The following KLF12 variants were observed in gnomAD, a reference collection of about 807,000 sequenced individuals.
KLF12 encodes the protein Krueppel-like factor 12.
In KLF12, 9 loss-of-function variants were observed where a neutral mutation model predicts 37.8. That is an observed-to-expected ratio of 0.24 (90% CI 0.14 to 0.42). The LOEUF is 0.42. Among genes scored for constraint, KLF12 ranks in the 10% least tolerant of loss-of-function variants. KLF12 has a pLI of 1.00. For synonymous variants in KLF12, 208 were observed against 202.1 expected, an observed-to-expected ratio of 1.03 and a Z score of -0.25; for missense variants, 411 against 516.0, an observed-to-expected ratio of 0.80 and a Z score of 1.97.
chr13:74,003,914 A>C (rs1892346331), intron 1 of KLF12, among the ~76,000 whole-genome samples: 1 of 152,160 alleles, frequency 6.6e-6, no homozygotes, highest in Non-Finnish European at 1.5e-5. Flanking sequence ...CCCAAAACAA[A>C]AACTGCCCCA....
intron 5 of KLF12, among the ~76,000 whole-genome samples, chr13:73,792,777 T>G (rs952811961): frequency 6.6e-6 from 1 of 152,188 alleles, no homozygotes; most frequent in Non-Finnish European, 1.5e-5. Context: ...GTAATAAAAG[T>G]TTTTGCTTCA....
intron 4 of KLF12, among the ~76,000 whole-genome samples, chr13:73,841,725 A>T (rs1418678775): frequency 1.3e-5 from 2 of 152,148 alleles, no homozygotes; most frequent in African/African-American, 4.8e-5. Context: ...CCGTTGACAA[A>T]AACCGCAATT....
chr13:73,914,080 A>G (rs569109873), intron 3 of KLF12, among the ~76,000 whole-genome samples: 10 of 151,986 alleles, frequency 6.6e-5, no homozygotes, highest in African/African-American at 2.4e-4. Context: ...TCCTGCCAAC[A>G]TCAATAAATG....
chr13:74,113,314 C>G (rs1877091207), intron 1 of KLF12, among the ~76,000 whole-genome samples: 1 of 152,150 alleles, frequency 6.6e-6, no homozygotes, highest in Non-Finnish European at 1.5e-5. Flanking sequence ...GTAGACAAAA[C>G]AGCAACCTAT....
rs57156299 is a variant in KLF12 at position 74,082,163 on chromosome 13, T to TAAAAAAAAAAAAAAAAA, written c.-32+51575_-32+51576insTTTTTTTTTTTTTTTTT. ...GGCAACATAGCAAGACCCTGTCTCT[T>TAAAAAAAAAAAAAAAAA]AAAAAAAAAAAAAAACAAAGTTAGC... On this transcript the variant is annotated intron_variant, in intron 1 of 7. Transcript: ENST00000377669. Among the ~76,000 whole-genome samples, 41 of 114,732 alleles carry TAAAAAAAAAAAAAAAAA rather than the reference T, an allele frequency of 3.6e-4. 1 individual carries two copies. The highest frequency in any genetic ancestry group is 1.3e-3 in the African/African-American group (37 of 28,338). 75.3% of individuals were successfully genotyped at this position (114,732 alleles called of 152,430 possible).
chr13:74,067,928 T>C (rs572953842), intron 1 of KLF12, among the ~76,000 whole-genome samples: 1 of 152,190 alleles, frequency 6.6e-6, no homozygotes, highest in Non-Finnish European at 1.5e-5. Context: ...TTAGCAGCAA[T>C]CTGATAAATA....
chr13:74,251,877 C>T, the KLF12 span, among the ~76,000 whole-genome samples: 1 of 152,198 alleles, frequency 6.6e-6, no homozygotes, highest in Non-Finnish European at 1.5e-5. Context: ...CTTAAGACAG[C>T]AATGGACAGT....
intron 3 of KLF12, among the ~76,000 whole-genome samples, chr13:73,896,367 G>T (rs372510400): frequency 4.6e-5 from 7 of 152,126 alleles, no homozygotes; most frequent in Non-Finnish European, 7.3e-5. Context: ...CTGAGAATGA[G>T]ATTTTTTTCA....
chr13:73,939,069 G>C (rs1890076076), intron 3 of KLF12, among the ~76,000 whole-genome samples: 1 of 152,104 alleles, frequency 6.6e-6, no homozygotes, highest in Admixed American at 6.6e-5. Flanking sequence ...TTCTCTGCCG[G>C]CCCACGGATC....
intron 3 of KLF12, among the ~76,000 whole-genome samples, chr13:73,917,003 A>G (rs1401814911): frequency 6.6e-6 from 1 of 152,208 alleles, no homozygotes; most frequent in Non-Finnish European, 1.5e-5. Context: ...AATATTCCGT[A>G]GGCCACTCTT....
At chr13:74,098,914 C>T (rs531380948) in intron 1 of KLF12, among the ~76,000 whole-genome samples, 19 of 152,240 alleles carry the variant, frequency 1.2e-4, no homozygotes, top group East Asian at 7.7e-4. Flanking sequence ...ATGCTTCCCA[C>T]GCTAGTATGT....
intron 3 of KLF12, among the ~76,000 whole-genome samples, chr13:73,890,285 T>C (rs1303566552): frequency 1.3e-5 from 2 of 152,132 alleles, no homozygotes; most frequent in African/African-American, 4.8e-5. Context: ...AAATACCTCT[T>C]TCTTTCAAGT....
chr13:74,204,075 A>G, the KLF12 span, among the ~76,000 whole-genome samples: 236 of 152,258 alleles, frequency 1.5e-3, 1 homozygote, highest in African/African-American at 5.3e-3. Flanking sequence ...CCTCTCTTCC[A>G]TCACCACCAC....
the KLF12 span, among the ~76,000 whole-genome samples, chr13:74,295,167 TA>T: frequency 6.6e-6 from 1 of 152,192 alleles, no homozygotes; most frequent in Non-Finnish European, 1.5e-5. Context: ...GGACTGTAGG[TA>T]AAAGCATCTA....
chr13:73,973,826 T>C (rs1211903115), intron 2 of KLF12, among the ~76,000 whole-genome samples: 1 of 152,088 alleles, frequency 6.6e-6, no homozygotes, highest in Non-Finnish European at 1.5e-5. Flanking sequence ...AGCAGAAGGC[T>C]TCATGTTACA....
intron 2 of KLF12, among the ~76,000 whole-genome samples, chr13:73,992,493 G>A (rs1250436620): frequency 6.6e-6 from 1 of 152,074 alleles, no homozygotes; most frequent in East Asian, 1.9e-4. Context: ...TTAAGGAAAG[G>A]GTGGATGAAG....
the KLF12 span, among the ~76,000 whole-genome samples, chr13:74,162,550 A>ATAT: frequency 6.6e-6 from 1 of 152,228 alleles, no homozygotes; most frequent in African/African-American, 2.4e-5. Flanking sequence ...GTGTAAAATA[A>ATAT]TATGGCTCTG....
At chr13:73,848,348 G>A (rs1885139156) in intron 3 of KLF12, among the ~76,000 whole-genome samples, 1 of 152,034 alleles carries the variant, frequency 6.6e-6, no homozygotes, top group African/African-American at 2.4e-5. Context: ...TAAGGAGATT[G>A]CTTGTGAGGC....
In KLF12 at chr13:74,057,115, A is replaced by C. The variant is rs141798335; in HGVS notation, c.-31-62062T>G. Among the ~76,000 whole-genome samples, 4 of 152,344 alleles carry C rather than the reference A, an allele frequency of 2.6e-5. No homozygotes were observed. In the East Asian group the frequency reaches 7.7e-4, roughly 29 times the overall value. Reference sequence around the variant, plus strand: ...GAATCCTGAAGAGGCACTTTTAAAAAACATGGTCTAATATTCGATTTCAGG... The same window carrying C: ...GAATCCTGAAGAGGCACTTTTAAAACACATGGTCTAATATTCGATTTCAGG... On this transcript the variant is annotated intron_variant, in intron 1 of 7. Coordinates refer to ENST00000377669, the MANE Select transcript of KLF12 (RefSeq NM_007249.5).
Sources: gnomAD v4.1 joint callset for allele counts (sites outside exome capture counted in the v4.1 genomes callset) on GRCh38, gnomAD v4.1.1 for gene constraint, MANE v1.5 for transcripts, NCBI Gene and HGNC (gene_info 2026-07-23, HGNC 2026-07-21) for gene names.